Variants in RPRD1B observed in about 807,000 individuals in gnomAD.
RPRD1B encodes regulation of nuclear pre-mRNA domain-containing protein 1B.
A neutral mutation model predicts 41.5 loss-of-function variants in RPRD1B; 11 were observed. That is an observed-to-expected ratio of 0.27 (90% confidence interval 0.17 to 0.44). RPRD1B has a LOEUF of 0.44. Among genes scored for constraint, RPRD1B ranks in the 20% least tolerant of loss-of-function variants. The pLI is 1.00. For synonymous variants in RPRD1B, 158 were observed against 155.6 expected, an observed-to-expected ratio of 1.02 and a Z score of -0.12; for missense variants, 248 against 389.9, an observed-to-expected ratio of 0.64 and a Z score of 3.06.
At chr20:38,055,793 T>C (rs2074234132) in intron 3 of RPRD1B, among the ~76,000 whole-genome samples, 1 of 152,198 alleles carries the variant, frequency 6.6e-6, no homozygotes, top group Non-Finnish European at 1.5e-5. Flanking sequence ...TTGCTGTCTT[T>C]GTGTGACCTG....
intron 6 of RPRD1B, among the ~76,000 whole-genome samples, chr20:38,076,275 G>A (rs1007911443): frequency 4.6e-5 from 7 of 152,148 alleles, no homozygotes; most frequent in South Asian, 2.1e-4. Context: ...TCCTCCCAGC[G>A]TTTTATCTTT....
chr20:38,046,673 A>T (rs2074124528), intron 2 of RPRD1B, among the ~76,000 whole-genome samples: 1 of 152,172 alleles, frequency 6.6e-6, no homozygotes, highest in Non-Finnish European at 1.5e-5. Context: ...GTGTGGCCAC[A>T]TGGGGAATGT....
intron 6 of RPRD1B, among the ~76,000 whole-genome samples, chr20:38,084,089 C>T (rs2074538948): frequency 6.6e-6 from 1 of 151,968 alleles, no homozygotes; most frequent in Non-Finnish European, 1.5e-5. Flanking sequence ...AAGTGTAGGT[C>T]CTGTGGCTTT....
Position 38,091,830 on chromosome 20 carries a change from A to T in RPRD1B, c.*1955A>T, listed in dbSNP as rs759516862. On this transcript the variant is annotated 3_prime_UTR_variant, in exon 7 of 7. Coordinates refer to ENST00000373433, the MANE Select transcript of RPRD1B (RefSeq NM_021215.4). The stretch of plus-strand genomic sequence containing the variant: ...TTAGCCCACTGCTCTGTTTTATCCA[A>T]CTGAGTCTCTGACCAGCAATTGGTG... The T allele has an allele frequency of 2.0e-6, 2 of 985,760 alleles. No individual in the cohort carries two copies. Among genetic ancestry groups the T allele is most frequent in the Non-Finnish European group, 2.4e-6 (2 of 829,936 alleles). 61.1% of individuals were successfully genotyped at this position (985,760 alleles called of 1,614,324 possible).
At chr20:38,069,404 TC>T (rs1316472696) in intron 6 of RPRD1B, among the ~76,000 whole-genome samples, 2 of 152,232 alleles carry the variant, frequency 1.3e-5, no homozygotes, top group Non-Finnish European at 2.9e-5. Context: ...AGTCCAAACT[TC>T]CTGTCAGGCA....
intron 2 of RPRD1B, among the ~76,000 whole-genome samples, chr20:38,041,544 A>G (rs1382155032): frequency 6.6e-6 from 1 of 152,260 alleles, no homozygotes; most frequent in Non-Finnish European, 1.5e-5. Context: ...GGGCGCAAGT[A>G]GCAAAATGTG....
At chr20:38,048,839 A>T (rs1456078366) in intron 3 of RPRD1B, among the ~76,000 whole-genome samples, 1 of 152,204 alleles carries the variant, frequency 6.6e-6, no homozygotes, top group African/African-American at 2.4e-5. Flanking sequence ...CATTAACTAC[A>T]ATAGGACCTT....
intron 2 of RPRD1B, among the ~76,000 whole-genome samples, chr20:38,045,049 A>G (rs1409445252): frequency 1.3e-5 from 2 of 152,222 alleles, no homozygotes. Flanking sequence ...CAAGCAGCCA[A>G]TTCTGTTTGT....
Position 38,044,459 on chromosome 20 carries a change from C to T in RPRD1B, c.282-3889C>T, listed in dbSNP as rs1030040722. On this transcript the variant is annotated intron_variant, in intron 2 of 6. Coordinates refer to ENST00000373433, the MANE Select transcript of RPRD1B (RefSeq NM_021215.4). ...CTTGGTCTTGGCTCACTGCAAGCTC[C>T]GCCTCTCGGGTTCATGCCATTCTCC... Among the ~76,000 whole-genome samples the T allele has an allele frequency of 5.3e-4, 80 of 151,138 alleles. 1 individual carries two copies. Among genetic ancestry groups the T allele is most frequent in the African/African-American group, 1.8e-3 (72 of 40,958 alleles).
At chr20:38,069,946 G>A (rs2074395411) in intron 6 of RPRD1B, among the ~76,000 whole-genome samples, 1 of 152,162 alleles carries the variant, frequency 6.6e-6, no homozygotes, top group Admixed American at 6.5e-5. Context: ...GAACATATTT[G>A]TTCCTCAGTA....
intron 6 of RPRD1B, among the ~76,000 whole-genome samples, chr20:38,073,071 G>A (rs954641246): frequency 1.3e-5 from 2 of 152,168 alleles, no homozygotes; most frequent in Admixed American, 6.5e-5. Context: ...CATCAGATTT[G>A]TACTTTTGTT....
chr20:38,055,432 C>CA (rs1327188436), intron 3 of RPRD1B, among the ~76,000 whole-genome samples: 1 of 151,816 alleles, frequency 6.6e-6, no homozygotes, highest in Non-Finnish European at 1.5e-5. Flanking sequence ...AAATACCTCT[C>CA]AGTTTCTTTA....
chr20:38,057,499 T>C, intron 3 of RPRD1B, 33 bp from the exon 4 acceptor site: 2 of 1,502,518 alleles, frequency 1.3e-6, no homozygotes, highest in Non-Finnish European at 1.9e-6. Flanking sequence ...ACAGGATATG[T>C]GACTCAAATT....
At chr20:38,068,864 A>G (rs1425234874) in intron 6 of RPRD1B, among the ~76,000 whole-genome samples, 2 of 152,214 alleles carry the variant, frequency 1.3e-5, no homozygotes, top group Non-Finnish European at 2.9e-5. Context: ...CAGATTGTCC[A>G]AAAGTCTCTC....
At position 38,042,119 on chromosome 20, in the gene RPRD1B, G is replaced by A. The variant is rs552272159; in HGVS notation, c.281+1555G>A. Among the ~76,000 whole-genome samples, 212 of 152,304 alleles carry A rather than the reference G, an allele frequency of 1.4e-3. 1 individual carries two copies. Among genetic ancestry groups the A allele is most frequent in the Non-Finnish European group, 2.1e-3 (143 of 68,026 alleles). ...GAGTTGGCTGGAATGATTTCTTGTAGGGATAGTAAACATAACAGTGTTATT... is the reference window on the plus strand; with the variant it reads ...GAGTTGGCTGGAATGATTTCTTGTAAGGATAGTAAACATAACAGTGTTATT... On this transcript the variant is annotated intron_variant, in intron 2 of 6. Coordinates refer to ENST00000373433, the MANE Select transcript of RPRD1B (RefSeq NM_021215.4).
At chr20:38,047,397 C>G (rs1344553333) in intron 2 of RPRD1B, among the ~76,000 whole-genome samples, 2 of 152,136 alleles carry the variant, frequency 1.3e-5, no homozygotes, top group African/African-American at 4.8e-5. Flanking sequence ...GTTCCCATCT[C>G]AGTTGAATTG....
chr20:38,088,775 G>A (rs1394859840), intron 6 of RPRD1B, among the ~76,000 whole-genome samples: 2 of 152,194 alleles, frequency 1.3e-5, no homozygotes, highest in Non-Finnish European at 2.9e-5. Flanking sequence ...GCTTGCTAGG[G>A]GCTCAGGTAC....
chr20:38,076,702 C>A (rs2074463519), intron 6 of RPRD1B, among the ~76,000 whole-genome samples: 1 of 144,476 alleles, frequency 6.9e-6, no homozygotes, highest in Admixed American at 7.2e-5. Context: ...CCAAAAGGTA[C>A]TTCTTAGTCT....
At chr20:38,074,148 CTTTCTTTTTACT>C (rs2074437820) in intron 6 of RPRD1B, among the ~76,000 whole-genome samples, 2 of 152,140 alleles carry the variant, frequency 1.3e-5, no homozygotes, top group South Asian at 2.1e-4. Flanking sequence ...TGGGAGTTTT[CTTTCTTTTTACT>C]TTTCTTTTAT....
Sources: gnomAD v4.1 joint callset for allele counts (sites outside exome capture counted in the v4.1 genomes callset) on GRCh38, gnomAD v4.1.1 for gene constraint, MANE v1.5 for transcripts, NCBI Gene and HGNC (gene_info 2026-07-23, HGNC 2026-07-21) for gene names.